Variants in ADGRL3 observed in about 807,000 individuals in gnomAD.
ADGRL3 encodes the protein calcium-independent alpha-latrotoxin receptor 3.
In ADGRL3, 62 loss-of-function variants were observed where a neutral mutation model predicts 153.5. That is an observed-to-expected ratio of 0.40 (90% CI 0.33 to 0.50). The LOEUF (loss-of-function observed/expected upper bound fraction) is 0.50. ADGRL3 is among the 20% of genes least tolerant of loss of function. The pLI is 0.47. For synonymous variants in ADGRL3, 710 were observed against 672.5 expected (o/e 1.06, Z -0.86); for missense variants, 1,641 against 1,859.4 (o/e 0.88, Z 2.16).
At chr4:61,763,197 T>A (rs1173872255) in intron 8 of ADGRL3, among the ~76,000 whole-genome samples, 1 of 151,408 alleles carries the variant, frequency 6.6e-6, no homozygotes, top group East Asian at 1.9e-4. Context: ...TTTCTTTTTT[T>A]TTTTTTTTGA....
chr4:61,250,121 T>C (rs1229410388), intron 1 of ADGRL3, among the ~76,000 whole-genome samples: 1 of 152,198 alleles, frequency 6.6e-6, no homozygotes, highest in Non-Finnish European at 1.5e-5. Flanking sequence ...CTTTATGCCC[T>C]ATATAACTAA....
At chr4:61,847,009 G>A (rs549372137) in intron 9 of ADGRL3, among the ~76,000 whole-genome samples, 15 of 145,070 alleles carry the variant, frequency 1.0e-4, no homozygotes, top group Non-Finnish European at 1.8e-4. Flanking sequence ...TATTAGAGGG[G>A]CAGATCCATG....
rs1457768534 is a variant in ADGRL3, at chr4:62,063,527, A to G, written c.3815-4639A>G. On this transcript the variant is annotated intron_variant, in intron 25 of 26. Coordinates refer to ENST00000683033, the MANE Select transcript of ADGRL3 (RefSeq NM_001387552.1). ...CAGGAGCCATGGCTAATCATCTTAT[A>G]AGCAATGCTCTGCTTCGTCCGCATG... 4.3e-6 allele frequency: 3 copies of G among 695,058 alleles called. No individual in the cohort carries two copies. In the Admixed American group the frequency reaches 6.1e-5, roughly 14 times the overall value. 43.1% of individuals were successfully genotyped at this position (695,058 alleles called of 1,614,324 possible).
intron 6 of ADGRL3, among the ~76,000 whole-genome samples, chr4:61,706,659 T>C (rs1407245594): frequency 6.6e-6 from 1 of 152,146 alleles, no homozygotes; most frequent in African/African-American, 2.4e-5. Flanking sequence ...TCACCATTTC[T>C]CTCAGCCTTC....
chr4:61,995,703 G>T (rs189786227), intron 19 of ADGRL3, among the ~76,000 whole-genome samples: 593 of 152,068 alleles, frequency 3.9e-3, no homozygotes, highest in Non-Finnish European at 3.8e-3. Context: ...TTTACTTTTG[G>T]GTCATGAATC....
In ADGRL3 at chr4:61,432,560, T is replaced by TTTTCTTTCTTTCTTTCTTTC. The variant is rs1335527774; in HGVS notation, c.-174+49380_-174+49381insTTCTTTCTTTCTTTCTTTCT. 3.4e-3 allele frequency among the ~76,000 whole-genome samples: 115 copies of TTTTCTTTCTTTCTTTCTTTC among 33,420 alleles called. 7 individuals carry two copies. Among genetic ancestry groups the TTTTCTTTCTTTCTTTCTTTC allele is most frequent in the Middle Eastern group, 0.045 (1 of 22 alleles). 21.9% of individuals were successfully genotyped at this position (33,420 alleles called of 152,430 possible). ...AAAACCAATAGCCTTTATAGATTTC[T>TTTTCTTTCTTTCTTTCTTTC]TTTCTTTCTCTTCCTTTCTTTCTTT... On this transcript the variant is annotated intron_variant, in intron 2 of 26. Coordinates refer to ENST00000683033, the MANE Select transcript of ADGRL3 (RefSeq NM_001387552.1).
intron 4 of ADGRL3, among the ~76,000 whole-genome samples, chr4:61,546,945 A>G (rs893389538): frequency 6.6e-6 from 1 of 152,214 alleles, no homozygotes; most frequent in African/African-American, 2.4e-5. Context: ...ATATCAAAAA[A>G]TATTTATTTC....
chr4:61,522,523 T>C (rs2098537350), intron 4 of ADGRL3, among the ~76,000 whole-genome samples: 2 of 152,100 alleles, frequency 1.3e-5, no homozygotes, highest in Non-Finnish European at 2.9e-5. Flanking sequence ...CTTACATAAT[T>C]TTACGTACGA....
At chr4:61,338,043 T>C (rs2095717777) in intron 1 of ADGRL3, among the ~76,000 whole-genome samples, 1 of 151,960 alleles carries the variant, frequency 6.6e-6, no homozygotes, top group Non-Finnish European at 1.5e-5. Context: ...GGCAGACGGA[T>C]CACTTCAGGC....
At position 61,549,581 on chromosome 4, in the gene ADGRL3, T is replaced by C. The variant is rs538963900; in HGVS notation, c.259+32063T>C. Among the ~76,000 whole-genome samples the C allele has an allele frequency of 8.9e-4, 136 of 151,994 alleles. 1 individual carries two copies. Among genetic ancestry groups the C allele is most frequent in the African/African-American group, 3.1e-3 (128 of 41,518 alleles). On this transcript the variant is annotated intron_variant, in intron 4 of 26. Coordinates refer to ENST00000683033, the MANE Select transcript of ADGRL3 (RefSeq NM_001387552.1). ...GTTACTCCTTATTGCATCATTCTAT[T>C]TCAATTCTCTGTGGAAGACTAGATG...
At chr4:61,589,067 C>A (rs2098958447) in intron 5 of ADGRL3, among the ~76,000 whole-genome samples, 1 of 151,902 alleles carries the variant, frequency 6.6e-6, no homozygotes, top group African/African-American at 2.4e-5. Flanking sequence ...ATAAGTATTT[C>A]AAAAAAGTAG....
At chr4:61,836,664 A>G (rs1211767330) in intron 9 of ADGRL3, among the ~76,000 whole-genome samples, 3 of 152,084 alleles carry the variant, frequency 2.0e-5, no homozygotes, top group Admixed American at 6.6e-5. Context: ...TTATTCATGA[A>G]TACTTATGGT....
chr4:61,869,320 C>T (rs112763043), intron 9 of ADGRL3, among the ~76,000 whole-genome samples: 625 of 152,180 alleles, frequency 4.1e-3, no homozygotes, highest in African/African-American at 0.014. Flanking sequence ...AAAATGAGGC[C>T]GGGCGCGGTG....
chr4:61,494,353 C>T (rs2098290067), intron 2 of ADGRL3, among the ~76,000 whole-genome samples: 1 of 151,942 alleles, frequency 6.6e-6, no homozygotes, highest in African/African-American at 2.4e-5. Flanking sequence ...TCGTATACTC[C>T]ATGGTCACAG....
intron 19 of ADGRL3, among the ~76,000 whole-genome samples, chr4:61,990,164 G>T (rs1041113082): frequency 1.1e-4 from 17 of 151,994 alleles, no homozygotes; most frequent in African/African-American, 4.1e-4. Context: ...TGATGAAAAG[G>T]TAAACTGTGT....
chr4:61,947,226 T>C, intron 16 of ADGRL3, 104 bp downstream of exon 16: 1 of 914,880 alleles, frequency 1.1e-6, no homozygotes, highest in Non-Finnish European at 1.6e-6. Flanking sequence ...CTATTTGACA[T>C]ATAACAGTTC....
chr4:61,452,725 G>C (rs2097690263), intron 2 of ADGRL3, among the ~76,000 whole-genome samples: 1 of 152,006 alleles, frequency 6.6e-6, no homozygotes, highest in South Asian at 2.1e-4. Context: ...CTGCAATCTG[G>C]TATGAAATTT....
chr4:61,206,710 A>C (rs540886896), intron 1 of ADGRL3, among the ~76,000 whole-genome samples: 16 of 152,298 alleles, frequency 1.1e-4, no homozygotes, highest in African/African-American at 3.8e-4. Flanking sequence ...GGCTGAGTGC[A>C]GTGGCTTACA....
intron 1 of ADGRL3, among the ~76,000 whole-genome samples, chr4:61,260,672 A>G (rs2092436735): frequency 6.6e-6 from 1 of 152,142 alleles, no homozygotes; most frequent in Non-Finnish European, 1.5e-5. Context: ...GAATTAAGAG[A>G]CTGGTTTAGG....
Sources: allele counts gnomAD v4.1 joint callset (sites outside exome capture counted in the v4.1 genomes callset), GRCh38; gene constraint gnomAD v4.1.1; transcripts MANE v1.5; gene names NCBI Gene and HGNC (gene_info 2026-07-23, HGNC 2026-07-21).